The following MYO1D variants were observed in gnomAD, a reference collection of about 807,000 sequenced individuals.
MYO1D encodes myosin ID.
Under a neutral mutation model 122.0 loss-of-function variants are expected in MYO1D, and 83 were observed. The ratio of observed to expected loss-of-function variants is 0.68; its 90% CI spans 0.57 to 0.82. The LOEUF (loss-of-function observed/expected upper bound fraction) is 0.82. Among genes scored for constraint, MYO1D ranks in the 40% least tolerant of loss-of-function variants. MYO1D has a pLI of 0.00. For missense variants in MYO1D, 1,157 were observed against 1,269.5 expected (o/e 0.91, Z 1.35); for synonymous variants, 464 against 446.9 (o/e 1.04, Z -0.48).
intron 21 of MYO1D, among the ~76,000 whole-genome samples, chr17:32,560,602 T>A (rs1314476498): frequency 1.2e-4 from 16 of 129,712 alleles, no homozygotes; most frequent in Admixed American, 2.4e-4. Flanking sequence ...AGTTAAAAAT[T>A]CTGACTCAAG....
chr17:32,800,915 G>A (rs752341329), intron 1 of MYO1D, among the ~76,000 whole-genome samples: 17 of 151,966 alleles, frequency 1.1e-4, no homozygotes, highest in Non-Finnish European at 8.8e-5. Flanking sequence ...ACAAAGAAAC[G>A]ATAAATATTT....
intron 16 of MYO1D, among the ~76,000 whole-genome samples, chr17:32,711,381 C>T (rs957567817): frequency 2.6e-5 from 4 of 152,204 alleles, no homozygotes; most frequent in African/African-American, 7.2e-5. Flanking sequence ...GGCGTGGTGG[C>T]TCACGCCTGT....
At chr17:32,774,194 C>T (rs2090151831) in intron 4 of MYO1D, among the ~76,000 whole-genome samples, 1 of 152,194 alleles carries the variant, frequency 6.6e-6, no homozygotes, top group Non-Finnish European at 1.5e-5. Context: ...AAGGCATAGT[C>T]AAGGTTAATG....
At chr17:32,608,656 C>T (rs2087660646) in intron 20 of MYO1D, among the ~76,000 whole-genome samples, 1 of 152,162 alleles carries the variant, frequency 6.6e-6, no homozygotes, top group Admixed American at 6.5e-5. Flanking sequence ...AGGCACATAT[C>T]CTAGAGAAAT....
chr17:32,841,254 C>T (rs927764212), intron 1 of MYO1D, among the ~76,000 whole-genome samples: 4 of 152,114 alleles, frequency 2.6e-5, no homozygotes, highest in African/African-American at 9.6e-5. Context: ...ATGACTTGAG[C>T]CCAGGAGTTC....
At chr17:32,537,724 T>A (rs1910705408) in intron 21 of MYO1D, among the ~76,000 whole-genome samples, 1 of 152,208 alleles carries the variant, frequency 6.6e-6, no homozygotes, top group African/African-American at 2.4e-5. Flanking sequence ...GGAAATGTCA[T>A]CCTAGTACGC....
intron 1 of MYO1D, among the ~76,000 whole-genome samples, chr17:32,816,880 A>T (rs1198634427): frequency 1.3e-5 from 2 of 152,118 alleles, no homozygotes; most frequent in Admixed American, 1.3e-4. Context: ...CCCTTTTTGA[A>T]TTTTTTTAAA....
At chr17:32,802,046 A>G (rs2090465624) in intron 1 of MYO1D, among the ~76,000 whole-genome samples, 1 of 152,244 alleles carries the variant, frequency 6.6e-6, no homozygotes, top group South Asian at 2.1e-4. Context: ...TGTGTGGTAT[A>G]CAGCTTGTAC....
chr17:32,502,969 C>G (rs1183339672), intron 21 of MYO1D, among the ~76,000 whole-genome samples: 1 of 152,182 alleles, frequency 6.6e-6, no homozygotes. Flanking sequence ...ATTTAATGGC[C>G]AGCAAACTGT....
intron 16 of MYO1D, among the ~76,000 whole-genome samples, chr17:32,698,199 G>C (rs1043265012): frequency 6.6e-6 from 1 of 152,100 alleles, no homozygotes; most frequent in African/African-American, 2.4e-5. Context: ...TATCACTCAG[G>C]AAATACTAGC....
chr17:32,628,038 T>C (rs192087529), intron 20 of MYO1D, among the ~76,000 whole-genome samples: 6 of 152,322 alleles, frequency 3.9e-5, no homozygotes, highest in Admixed American at 3.9e-4. Flanking sequence ...AAAGAGATTG[T>C]GATCAAAGTT....
rs114262845 is a variant in MYO1D at position 32,620,551 on chromosome 17, C to G, written c.2710-15310G>C. On this transcript the variant is annotated intron_variant, in intron 20 of 21. Transcript: ENST00000318217. ...GCAAAAAGAAAAGCCAGGGAACCCC[C>G]CCCTGCCAAGTTCCTCCAGAGTCCT... Among the ~76,000 whole-genome samples the G allele has an allele frequency of 6.0e-3, 907 of 152,252 alleles. 10 individuals carry two copies. Among genetic ancestry groups the G allele is most frequent in the African/African-American group, 0.02 (839 of 41,534 alleles).
At chr17:32,496,456 G>C (rs888938339) in intron 21 of MYO1D, among the ~76,000 whole-genome samples, 3 of 152,210 alleles carry the variant, frequency 2.0e-5, no homozygotes, top group African/African-American at 7.2e-5. Context: ...TTTTTAACCA[G>C]ACTTGGACAT....
At chr17:32,826,523 T>C (rs1373535701) in intron 1 of MYO1D, among the ~76,000 whole-genome samples, 1 of 152,210 alleles carries the variant, frequency 6.6e-6, no homozygotes, top group Non-Finnish European at 1.5e-5. Flanking sequence ...TGTGCATCCC[T>C]TCAGTAATTT....
Position 32,653,847 on chromosome 17 carries a change from C to T in MYO1D, c.2591G>A (p.Arg864His), listed in dbSNP as rs751023195. The T allele has an allele frequency of 5.0e-6, 8 of 1,612,470 alleles. No homozygotes were observed. Among genetic ancestry groups the T allele is most frequent in the African/African-American group, 1.3e-5 (1 of 74,872 alleles). ...TCTGGTTTAAGCTTGCCTTACCTTA[C>T]GGACGTGACAGGAAAAGAGGACATT... ...YMNVLFSCHV[R>H]KVNRFSKVED... Residue 864 changes from arginine (R) to histidine (H), a missense_variant, in exon 19 of 22, where the codon CGT (arginine) becomes CAT (histidine). By Grantham distance (29) the Arg-to-His change is conservative (BLOSUM62 0). Coordinates refer to ENST00000318217, the MANE Select transcript of MYO1D (RefSeq NM_015194.3).
At chr17:32,562,218 C>A (rs984124458) in intron 21 of MYO1D, among the ~76,000 whole-genome samples, 1 of 151,608 alleles carries the variant, frequency 6.6e-6, no homozygotes, top group East Asian at 2.0e-4. Flanking sequence ...CTGATACGCT[C>A]GTTCTTTCAA....
intron 21 of MYO1D, among the ~76,000 whole-genome samples, chr17:32,525,170 C>T (rs1910300438): frequency 6.6e-6 from 1 of 152,214 alleles, no homozygotes; most frequent in Admixed American, 6.5e-5. Flanking sequence ...ACTACAGGCT[C>T]CTGGTAGGAT....
chr17:32,844,756 T>C (rs1184681006), intron 1 of MYO1D, among the ~76,000 whole-genome samples: 2 of 152,122 alleles, frequency 1.3e-5, no homozygotes, highest in African/African-American at 2.4e-5. Flanking sequence ...AATATAGTTT[T>C]ATAAAAATAA....
At chr17:32,568,367 T>G (rs945788264) in intron 21 of MYO1D, among the ~76,000 whole-genome samples, 4 of 152,228 alleles carry the variant, frequency 2.6e-5, no homozygotes, top group Non-Finnish European at 5.9e-5. Flanking sequence ...TGGTTAGTTT[T>G]CAAGGCAAGT....
Sources: allele counts gnomAD v4.1 joint callset (sites outside exome capture counted in the v4.1 genomes callset), GRCh38; gene constraint gnomAD v4.1.1; transcripts MANE v1.5; gene names NCBI Gene and HGNC (gene_info 2026-07-23, HGNC 2026-07-21).